The following KCNC2 variants were observed in gnomAD, a reference collection of about 807,000 sequenced individuals.
KCNC2 encodes potassium voltage-gated channel subfamily C member 2, also known as voltage-gated potassium channel KCNC2.
A neutral mutation model predicts 44.5 loss-of-function variants in KCNC2; 21 were observed. The ratio of observed to expected loss-of-function variants is 0.47; its 90% CI spans 0.33 to 0.68. The LOEUF (loss-of-function observed/expected upper bound fraction) is 0.68. Ranked by LOEUF, KCNC2 falls within the 30% of genes least tolerant of loss-of-function variation. The pLI, the probability that KCNC2 is intolerant of heterozygous loss-of-function variation, is 0.01. For synonymous variants in KCNC2, 391 were observed against 339.1 expected, an observed-to-expected ratio of 1.15 and a Z score of -1.68; for missense variants, 589 against 826.2, an observed-to-expected ratio of 0.71 and a Z score of 3.52.
chr12:75,186,585 C>T (rs758168672), intron 2 of KCNC2, among the ~76,000 whole-genome samples: 3 of 152,156 alleles, frequency 2.0e-5, no homozygotes, highest in African/African-American at 7.2e-5. Context: ...TTTTATGCAA[C>T]AATTACTTTC....
At position 75,042,852 on chromosome 12, in the gene KCNC2, T is replaced by C; in HGVS notation, c.*253A>G. ...ACTGGTCAATATCTGACACTATCTG[T>C]CATTTTATTGCAAAAGGATATCAGG... On this transcript the variant is annotated 3_prime_UTR_variant, in exon 5 of 5. Coordinates refer to ENST00000549446, the MANE Select transcript of KCNC2 (RefSeq NM_139137.4). 1 of 1,295,044 alleles carries C rather than the reference T, an allele frequency of 7.7e-7. No individual in the cohort carries two copies. The highest frequency in any genetic ancestry group is 9.8e-7 in the Non-Finnish European group (1 of 1,021,764). 80.2% of individuals were successfully genotyped at this position (1,295,044 alleles called of 1,614,324 possible). A position where few individuals can be genotyped will look rare whatever the true frequency, so the allele number is the denominator to read the frequency against.
intron 1 of KCNC2, among the ~76,000 whole-genome samples, chr12:75,208,367 C>A (rs540108251): frequency 6.6e-6 from 1 of 151,522 alleles, no homozygotes; most frequent in South Asian, 2.1e-4. Flanking sequence ...AGCCCCTAAC[C>A]CCCTCTCTGC....
At position 75,207,296 on chromosome 12, in the gene KCNC2, C is replaced by T; in HGVS notation, c.687+1G>A. 6.5e-7 allele frequency: 1 copy of T among 1,535,766 alleles called. No individual in the cohort carries two copies. Among genetic ancestry groups the T allele is most frequent in the Non-Finnish European group, 8.7e-7 (1 of 1,145,808 alleles). On this transcript the variant is annotated splice_donor_variant, in intron 2 of 4. Transcript: ENST00000549446. LOFTEE classifies it high-confidence loss of function. This position sits in a 1 kb window ranked among gnomAD's most constrained non-coding sequence, Gnocchi z 4.1. The stretch of plus-strand genomic sequence containing the variant: ...AGGGAAGGGGTCGATTCTGGCCTTA[C>T]CCTGGCGGCTCTGGACGAGTAGGGG...
intron 2 of KCNC2, among the ~76,000 whole-genome samples, chr12:75,093,572 CA>C (rs1885671967): frequency 2.6e-5 from 4 of 151,678 alleles, no homozygotes; most frequent in South Asian, 4.2e-4. Flanking sequence ...GTATTAATCA[CA>C]ACATATTAAA....
At chr12:75,204,898 C>A (rs541235065) in intron 2 of KCNC2, among the ~76,000 whole-genome samples, 20 of 152,090 alleles carry the variant, frequency 1.3e-4, no homozygotes, top group African/African-American at 4.6e-4. Flanking sequence ...AATATTAAAC[C>A]CTGACTGGTC....
rs200802156 is a variant in KCNC2, at chr12:75,207,501, G to T, written c.483C>A (p.Asp161Glu). ...CCWMTYRQHR[D>E]AEEALDIFET... ...CGAAGATGTCCAGCGCCTCCTCGGC[G>T]TCGCGGTGCTGCCGGTAGGTCATCC... The change falls in exon 2 of 5, where the codon GAC becomes GAA. Residue 161 changes from aspartate to glutamate, a missense_variant. Transcript: ENST00000549446. This position sits in a 1 kb window ranked among gnomAD's most constrained non-coding sequence, Gnocchi z 4.1. 18 of 1,612,348 alleles carry T rather than the reference G, an allele frequency of 1.1e-5. No homozygotes were observed. Among genetic ancestry groups the T allele is most frequent in the Non-Finnish European group, 1.5e-5 (18 of 1,179,850 alleles).
At chr12:75,060,582 C>T (rs1282875172) in intron 2 of KCNC2, among the ~76,000 whole-genome samples, 1 of 152,126 alleles carries the variant, frequency 6.6e-6, no homozygotes, top group African/African-American at 2.4e-5. Context: ...TCTCCCTCCT[C>T]AGCCTCCCAA....
chr12:75,186,048 AAAAT>A (rs371301482), intron 2 of KCNC2, among the ~76,000 whole-genome samples: 34,483 of 142,760 alleles, frequency 0.24, 4,336 homozygotes, highest in South Asian at 0.31. Flanking sequence ...CTCTGTCTCA[AAAAT>A]AAATAAATAA....
intron 2 of KCNC2, among the ~76,000 whole-genome samples, chr12:75,153,454 A>G (rs975224802): frequency 1.3e-5 from 2 of 151,852 alleles, no homozygotes; most frequent in Non-Finnish European, 2.9e-5. Context: ...TAGCAGACAT[A>G]GGAAACTTGG....
At chr12:75,118,867 T>C (rs1357484975) in intron 2 of KCNC2, among the ~76,000 whole-genome samples, 1 of 152,188 alleles carries the variant, frequency 6.6e-6, no homozygotes, top group African/African-American at 2.4e-5. Flanking sequence ...CCGGACAGAA[T>C]ATAATAGAGA....
At chr12:75,129,444 T>C (rs1017039974) in intron 2 of KCNC2, among the ~76,000 whole-genome samples, 1 of 152,198 alleles carries the variant, frequency 6.6e-6, no homozygotes, top group Non-Finnish European at 1.5e-5. Context: ...GTACACATTG[T>C]GCTTTCATTG....
At chr12:75,126,210 C>G (rs1408958706) in intron 2 of KCNC2, among the ~76,000 whole-genome samples, 1 of 152,102 alleles carries the variant, frequency 6.6e-6, no homozygotes, top group Non-Finnish European at 1.5e-5. Context: ...TGCATGTTTG[C>G]TACATTGAAG....
chr12:75,044,326 A>C (rs1161624474), intron 4 of KCNC2, among the ~76,000 whole-genome samples: 2 of 151,940 alleles, frequency 1.3e-5, no homozygotes, highest in Non-Finnish European at 2.9e-5. Context: ...TTTGGCAACC[A>C]AAATTGAGCA....
At chr12:75,092,091 T>C (rs536989746) in intron 2 of KCNC2, among the ~76,000 whole-genome samples, 2 of 151,762 alleles carry the variant, frequency 1.3e-5, no homozygotes, top group Non-Finnish European at 3.0e-5. Context: ...TTGATTGAAA[T>C]GCAGATTTCT....
At chr12:75,070,379 A>T (rs1883277696) in intron 2 of KCNC2, among the ~76,000 whole-genome samples, 1 of 151,776 alleles carries the variant, frequency 6.6e-6, no homozygotes, top group Non-Finnish European at 1.5e-5. Flanking sequence ...TGAACCCAGG[A>T]GGCCGAGGTT....
intron 2 of KCNC2, among the ~76,000 whole-genome samples, chr12:75,099,997 T>C (rs1330079718): frequency 6.7e-6 from 1 of 148,252 alleles, no homozygotes; most frequent in Non-Finnish European, 1.5e-5. Flanking sequence ...CTGGGCTATA[T>C]GAAAATGTTT....
chr12:75,206,822 C>T (rs1238084190), intron 2 of KCNC2, among the ~76,000 whole-genome samples: 1 of 152,172 alleles, frequency 6.6e-6, no homozygotes, highest in Non-Finnish European at 1.5e-5. Context: ...CTTCCTCTGT[C>T]CTCAGATTCA....
intron 2 of KCNC2, among the ~76,000 whole-genome samples, chr12:75,101,758 G>A (rs1297879899): frequency 6.6e-6 from 1 of 152,036 alleles, no homozygotes; most frequent in East Asian, 1.9e-4. Flanking sequence ...CTCAGCACCA[G>A]TGAAAAAGGA....
At chr12:75,193,256 AGTT>A (rs1299550403) in intron 2 of KCNC2, among the ~76,000 whole-genome samples, 1 of 152,202 alleles carries the variant, frequency 6.6e-6, no homozygotes, top group African/African-American at 2.4e-5. Context: ...AAACAGGAAA[AGTT>A]ATTATTATTG....
Sources: allele counts gnomAD v4.1 joint callset (sites outside exome capture counted in the v4.1 genomes callset), GRCh38; gene constraint gnomAD v4.1.1; non-coding constraint Gnocchi (gnomAD v3.1); transcripts MANE v1.5; gene names NCBI Gene and HGNC (gene_info 2026-07-23, HGNC 2026-07-21).